The following NALCN variants were observed in gnomAD, a reference collection of about 807,000 sequenced individuals.
NALCN encodes the protein sodium leak channel, non-selective, also known as sodium leak channel NALCN.
A neutral mutation model predicts 225.3 loss-of-function variants in NALCN; 111 were observed. The ratio of observed to expected loss-of-function variants is 0.49; its 90% CI spans 0.42 to 0.58. The LOEUF is 0.58. Ranked by LOEUF, NALCN falls within the 20% of genes least tolerant of loss-of-function variation. The probability of loss-of-function intolerance (pLI) is 0.00; values close to 1 mark genes in which losing one functional copy is unlikely to be tolerated. For synonymous variants in NALCN, 764 were observed against 769.0 expected (o/e 0.99, Z 0.11); for missense variants, 1,378 against 2,202.4 (o/e 0.63, Z 7.49).
intron 13 of NALCN, among the ~76,000 whole-genome samples, chr13:101,220,497 T>C (rs1000404051): frequency 6.6e-6 from 1 of 152,224 alleles, no homozygotes; most frequent in Admixed American, 6.5e-5. Flanking sequence ...CATTTCCTTG[T>C]AAAATTTTAT....
At chr13:101,310,676 A>G (rs1273627417) in intron 7 of NALCN, among the ~76,000 whole-genome samples, 1 of 152,142 alleles carries the variant, frequency 6.6e-6, no homozygotes, top group Non-Finnish European at 1.5e-5. Flanking sequence ...AACTCCATGA[A>G]AGCAAGGATT....
intron 39 of NALCN, 78 bp from the exon 40 acceptor site, chr13:101,065,639 A>AT (rs1368164782): frequency 6.9e-7 from 1 of 1,452,326 alleles, no homozygotes; most frequent in East Asian, 2.3e-5. Context: ...AAAAAAAAAA[A>AT]GGTGCTATTT....
intron 15 of NALCN, among the ~76,000 whole-genome samples, chr13:101,170,713 C>T (rs1566376565): frequency 1.3e-5 from 2 of 152,148 alleles, no homozygotes; most frequent in Non-Finnish European, 1.5e-5. Context: ...AAAGACCAAA[C>T]ATCATTAAAT....
At chr13:101,059,112 T>G (rs2031614204) in intron 42 of NALCN, 1 of 152,476 alleles carries the variant, frequency 6.6e-6, no homozygotes, top group Admixed American at 6.5e-5. Flanking sequence ...CTCCACGTTG[T>G]TAACCTCAAA....
rs147233549 is a variant in NALCN at position 101,351,788 on chromosome 13, T to C, written c.645-6368A>G. Among the ~76,000 whole-genome samples the C allele has an allele frequency of 1.2e-4, 18 of 152,312 alleles. 1 individual carries two copies. The East Asian group carries it at 3.3e-3, about 28-fold the overall frequency. ...AAAGCATGTGCCCCATAATTCAACA[T>C]ATGCTTCACTGTGCATAGTTCTCCT... On this transcript the variant is annotated intron_variant, in intron 6 of 43. Coordinates refer to ENST00000251127, the MANE Select transcript of NALCN (RefSeq NM_052867.4).
intron 6 of NALCN, among the ~76,000 whole-genome samples, chr13:101,356,676 T>G (rs1271438413): frequency 1.3e-5 from 2 of 152,144 alleles, no homozygotes; most frequent in African/African-American, 4.8e-5. Context: ...CCTTCCTAAC[T>G]CATTTTATGA....
At chr13:101,347,129 G>A (rs937893216) in intron 6 of NALCN, among the ~76,000 whole-genome samples, 4 of 140,578 alleles carry the variant, frequency 2.8e-5, no homozygotes, top group Admixed American at 7.6e-5. Flanking sequence ...ATACACACAC[G>A]TACATAGTTT....
At chr13:101,168,651 C>T (rs1455766675) in intron 15 of NALCN, among the ~76,000 whole-genome samples, 1 of 152,178 alleles carries the variant, frequency 6.6e-6, no homozygotes, top group Non-Finnish European at 1.5e-5. Flanking sequence ...CGGATTCTTC[C>T]ATCTCCAGTC....
chr13:101,304,979 TCTC>T (rs2044107573), intron 7 of NALCN, among the ~76,000 whole-genome samples: 1 of 151,754 alleles, frequency 6.6e-6, no homozygotes, highest in South Asian at 2.1e-4. Flanking sequence ...CTGGTCTTGA[TCTC>T]CTGACCTCGT....
intron 20 of NALCN, among the ~76,000 whole-genome samples, chr13:101,108,142 T>C (rs2139634849): frequency 6.7e-6 from 1 of 149,552 alleles, no homozygotes; most frequent in Non-Finnish European, 1.5e-5. Flanking sequence ...ATATTTACAT[T>C]AAATATGTAA....
chr13:101,245,893 G>A (rs115506461), intron 11 of NALCN, among the ~76,000 whole-genome samples: 2,019 of 152,166 alleles, frequency 0.013, 32 homozygotes, highest in African/African-American at 0.038. Context: ...ATGTAACTTC[G>A]TAACTTCACC....
chr13:101,338,286 G>T (rs1396451169), intron 7 of NALCN, among the ~76,000 whole-genome samples: 1 of 152,070 alleles, frequency 6.6e-6, no homozygotes, highest in East Asian at 1.9e-4. Context: ...TCTTGCTTGT[G>T]GGCTTCCTCT....
intron 18 of NALCN, among the ~76,000 whole-genome samples, chr13:101,121,343 G>GC (rs1242841017): frequency 1.3e-5 from 2 of 152,064 alleles, no homozygotes; most frequent in African/African-American, 4.8e-5. Flanking sequence ...CCAAATACTT[G>GC]TTATTTTTTG....
At chr13:101,352,281 T>A (rs1385858687) in intron 6 of NALCN, among the ~76,000 whole-genome samples, 5 of 152,304 alleles carry the variant, frequency 3.3e-5, no homozygotes, top group African/African-American at 1.2e-4. Context: ...AGCGGAAACA[T>A]CAACTATGAC....
rs1484880669 is a variant in NALCN, at chr13:101,377,059, A to G, written c.376-3T>C. ...ACTATATCAGCAATTTCAAACACCT[A>G]CAAATTAAAAGATGGGTAAATGAGG... On this transcript the variant is annotated splice_polypyrimidine_tract_variant and splice_region_variant and intron_variant, in intron 4 of 43. Coordinates refer to ENST00000251127, the MANE Select transcript of NALCN (RefSeq NM_052867.4). The G allele has an allele frequency of 3.7e-6, 6 of 1,614,008 alleles. No homozygotes were observed. Among genetic ancestry groups the G allele is most frequent in the Non-Finnish European group, 5.1e-6 (6 of 1,179,986 alleles).
chr13:101,130,144 C>A (rs1296964108), intron 17 of NALCN, among the ~76,000 whole-genome samples: 2 of 152,050 alleles, frequency 1.3e-5, no homozygotes, highest in African/African-American at 4.8e-5. Flanking sequence ...TATATGATAT[C>A]TATATCTCCT....
intron 22 of NALCN, among the ~76,000 whole-genome samples, chr13:101,105,670 C>T (rs970972916): frequency 6.6e-6 from 1 of 152,182 alleles, no homozygotes; most frequent in African/African-American, 2.4e-5. Flanking sequence ...TCAAATCAAT[C>T]TCCAAAATGG....
intron 7 of NALCN, among the ~76,000 whole-genome samples, chr13:101,311,254 T>G (rs1453181408): frequency 6.6e-6 from 1 of 151,502 alleles, no homozygotes; most frequent in Non-Finnish European, 1.5e-5. Context: ...CTTAAGGAGA[T>G]TTTGGGCTGA....
At chr13:101,208,961 A>G (rs1311054690) in intron 13 of NALCN, among the ~76,000 whole-genome samples, 2 of 152,206 alleles carry the variant, frequency 1.3e-5, no homozygotes, top group African/African-American at 4.8e-5. Flanking sequence ...TCTTTATAGC[A>G]ATGCGTGTTT....
Sources: gnomAD v4.1 joint callset for allele counts (sites outside exome capture counted in the v4.1 genomes callset) on GRCh38, gnomAD v4.1.1 for gene constraint, MANE v1.5 for transcripts, NCBI Gene and HGNC (gene_info 2026-07-23, HGNC 2026-07-21) for gene names.